BRSK2: variants seen among roughly 807,000 people sequenced by gnomAD.
The protein encoded by BRSK2 is BR serine/threonine kinase 2, also known as serine/threonine-protein kinase BRSK2.
In BRSK2, 19 loss-of-function variants were observed where a neutral mutation model predicts 83.3. The observed-to-expected ratio is 0.23, with a 90% CI of 0.16 to 0.33. The LOEUF (loss-of-function observed/expected upper bound fraction) is 0.33, where lower values mean the gene tolerates loss of function less well. BRSK2 is among the 10% of genes least tolerant of loss of function. BRSK2 has a pLI of 1.00. For missense variants in BRSK2, 798 were observed against 1,042.3 expected (o/e 0.77, Z 3.23); for synonymous variants, 519 against 435.4 (o/e 1.19, Z -2.39).
chr11:1,446,033 C>G, intron 12 of BRSK2, 126 bp downstream of exon 12: 3 of 1,147,552 alleles, frequency 2.6e-6, no homozygotes, highest in Non-Finnish European at 3.4e-6. Context: ...GCTGTATGGG[C>G]TAAACTGGGC....
intron 13 of BRSK2, among the ~76,000 whole-genome samples, 197 bp downstream of exon 13, chr11:1,450,033 G>GTT (rs890264211): frequency 6.6e-6 from 1 of 151,958 alleles, no homozygotes; most frequent in Non-Finnish European, 1.5e-5. Context: ...GTTTTGTTTT[G>GTT]TTTGTTTTCT....
rs756148684 is a variant in BRSK2, at chr11:1,440,842, G to A, written c.327G>A (p.Lys109=). The A allele has an allele frequency of 2.1e-5, 33 of 1,602,984 alleles. No homozygotes were observed. In the Middle Eastern group the frequency reaches 8.3e-4, roughly 40 times the overall value. The change falls in exon 4 of 20, where the codon AAG becomes AAA. Residue 109 remains lysine, a synonymous_variant. Coordinates refer to ENST00000528841, the MANE Select transcript of BRSK2 (RefSeq NM_001256627.2). ...GTGAGCTCTTCGACTACCTGGTGAA[G>A]AAGGGGAGGCTGACGCCTAAGGAGG... is the stretch of plus-strand genomic sequence containing the variant. The part of the protein sequence containing the change: ...SGGELFDYLV[K]KGRLTPKEAR...
At chr11:1,414,126 A>G (rs1365260626) in intron 1 of BRSK2, among the ~76,000 whole-genome samples, 2 of 152,286 alleles carry the variant, frequency 1.3e-5, no homozygotes, top group Admixed American at 6.5e-5. Context: ...TATTCAAATT[A>G]AAGATACTCA....
intron 1 of BRSK2, chr11:1,411,310 G>T (rs1023367915): frequency 4.7e-5 from 63 of 1,343,010 alleles, no homozygotes; most frequent in Non-Finnish European, 5.9e-5. Context: ...CTGCCCGGGT[G>T]GGGTCCTGAA....
rs1007257057 is a variant in BRSK2, at chr11:1,453,064, C to T, written c.1545-1421C>T. 3.3e-5 allele frequency among the ~76,000 whole-genome samples: 5 copies of T among 152,348 alleles called. No individual in the cohort carries two copies. The East Asian group carries it at 5.8e-4, about 18-fold the overall frequency. On this transcript the variant is annotated intron_variant, in intron 15 of 19. Coordinates refer to ENST00000528841, the MANE Select transcript of BRSK2 (RefSeq NM_001256627.2). Reference sequence around the variant, plus strand: ...GTTTCCAGGTTGCAGCCTCGAGGGGCGTTCTTTCCCCAGGAAGACCGAACC... The same window carrying T: ...GTTTCCAGGTTGCAGCCTCGAGGGGTGTTCTTTCCCCAGGAAGACCGAACC...
intron 8 of BRSK2, among the ~76,000 whole-genome samples, chr11:1,444,477 C>T (rs1268938316): frequency 2.6e-5 from 4 of 152,142 alleles, no homozygotes; most frequent in African/African-American, 9.7e-5. Flanking sequence ...TCCCAGCCTC[C>T]TGCCTGCACC....
At chr11:1,460,385 G>C in intron 19 of BRSK2, 115 bp from the exon 20 acceptor site, 6 of 944,956 alleles carry the variant, frequency 6.3e-6, no homozygotes, top group Non-Finnish European at 8.6e-6. Context: ...AGGCCTCTTC[G>C]TTCATTTGTT....
Position 1,461,752 on chromosome 11 carries a change from T to C in BRSK2, c.*1029T>C, listed in dbSNP as rs373179873. On this transcript the variant is annotated 3_prime_UTR_variant, in exon 20 of 20. Transcript: ENST00000528841. ...GATATTTTTATAAACTTTTTTTTCT[T>C]GGTGGTTTTTGGAAAAGGGTGTGGG... 6.9e-6 allele frequency: 1 copy of C among 144,462 alleles called. No individual in the cohort carries two copies. Among genetic ancestry groups the C allele is most frequent in the East Asian group, 2.1e-4 (1 of 4,868 alleles). 8.9% of individuals were successfully genotyped at this position (144,462 alleles called of 1,614,324 possible). A position where few individuals can be genotyped will look rare whatever the true frequency, so the allele number is the denominator to read the frequency against.
rs1218723148 is a variant in BRSK2 at position 1,407,818 on chromosome 11, GGCTTT to G, written c.91+17444_91+17448del. On this transcript the variant is annotated intron_variant, in intron 1 of 19. Transcript: ENST00000528841. ...TCCAGGCAGGTGCCACCTCCAGGAG[GGCTTT>G]CCCAGAGTGTGGGGCGGGCCCGGCA... 2.0e-5 allele frequency among the ~76,000 whole-genome samples: 3 copies of G among 152,370 alleles called. No homozygotes were observed. In the East Asian group the frequency reaches 5.8e-4, roughly 29 times the overall value.
intron 9 of BRSK2, 64 bp downstream of exon 9, chr11:1,445,066 T>C: frequency 3.2e-6 from 5 of 1,582,516 alleles, no homozygotes; most frequent in Non-Finnish European, 3.5e-6. Context: ...GAGGCCCTGC[T>C]AGGAAAGGCG....
At position 1,443,602 on chromosome 11, in the gene BRSK2, C is replaced by G. The variant is rs1851639763; in HGVS notation, c.747C>G (p.Gly249=). Residue 249 remains glycine (G), a synonymous_variant, in exon 8 of 20, where the codon GGC becomes GGG. Coordinates refer to ENST00000528841, the MANE Select transcript of BRSK2 (RefSeq NM_001256627.2). ...IPPDCQSLLR[G]MIEVDAARRL... is the part of the protein sequence containing the mutation. ...CCGACTGCCAGAGTCTGCTACGGGGCATGATCGAGGTGGACGCCGCACGCC... is the reference window on the plus strand; with the variant it reads ...CCGACTGCCAGAGTCTGCTACGGGGGATGATCGAGGTGGACGCCGCACGCC... 1 of 1,607,842 alleles carries G rather than the reference C, an allele frequency of 6.2e-7. No individual in the cohort carries two copies. Among genetic ancestry groups the G allele is most frequent in the East Asian group, 2.2e-5 (1 of 44,684 alleles).
At chr11:1,449,373 CA>C (rs1269726685) in intron 12 of BRSK2, among the ~76,000 whole-genome samples, 4 of 152,362 alleles carry the variant, frequency 2.6e-5, no homozygotes, top group South Asian at 2.1e-4. Context: ...AGAGCTCAGC[CA>C]GGGGGGGCTT....
intron 12 of BRSK2, among the ~76,000 whole-genome samples, chr11:1,448,606 C>T (rs893585254): frequency 5.9e-5 from 9 of 152,156 alleles, no homozygotes; most frequent in African/African-American, 1.9e-4. Flanking sequence ...TGGGCGGGCT[C>T]GACAGGAACC....
chr11:1,448,308 C>A (rs1373430754), intron 12 of BRSK2, among the ~76,000 whole-genome samples: 1 of 152,182 alleles, frequency 6.6e-6, no homozygotes, highest in Non-Finnish European at 1.5e-5. Flanking sequence ...GCCAGTTTTG[C>A]GAGCCTGGGC....
Position 1,443,420 on chromosome 11 carries a change from C to G in BRSK2, c.633+17C>G, listed in dbSNP as rs1386922675. On this transcript the variant is annotated intron_variant, in intron 7 of 19. Transcript: ENST00000528841. The stretch of plus-strand genomic sequence containing the variant: ...TTGCTGGTGGTGAGACCCTGGCCCC[C>G]TCAACCCTGCCCTGGCCTCTCCCCA... 1.3e-6 allele frequency: 2 copies of G among 1,593,526 alleles called. No homozygotes were observed. Among genetic ancestry groups the G allele is most frequent in the Middle Eastern group, 1.7e-4 (1 of 5,908 alleles).
At position 1,423,109 on chromosome 11, in the gene BRSK2, C is replaced by T. The variant is rs1342515112; in HGVS notation, c.92-12931C>T. ...CAGGTACCTCCAGGCCCCATGCACC[C>T]AGGACCTCCCCAAGAGCTGTGCCTC... On this transcript the variant is annotated intron_variant, in intron 1 of 19. Transcript: ENST00000528841. The surrounding 1 kb of genome is among the most constrained non-coding windows in gnomAD (Gnocchi z 6.5). Among the ~76,000 whole-genome samples, 4 of 152,206 alleles carry T rather than the reference C, an allele frequency of 2.6e-5. No homozygotes were observed. Among genetic ancestry groups the T allele is most frequent in the African/African-American group, 9.6e-5 (4 of 41,452 alleles).
At chr11:1,402,066 C>T (rs1179907576) in intron 1 of BRSK2, among the ~76,000 whole-genome samples, 1 of 152,234 alleles carries the variant, frequency 6.6e-6, no homozygotes, top group Admixed American at 6.5e-5. Context: ...CAGGGCCTCT[C>T]TGTCTTTAAC....
At chr11:1,452,378 G>T (rs1056314521) in intron 15 of BRSK2, among the ~76,000 whole-genome samples, 1 of 152,224 alleles carries the variant, frequency 6.6e-6, no homozygotes, top group African/African-American at 2.4e-5. Flanking sequence ...ACAGGGCTCA[G>T]CAGACTTGGG....
At position 1,435,206 on chromosome 11, in the gene BRSK2, A is replaced by AGAGGAGGGGTGCCGGTGGATGTCTCAGCG. The variant is rs1564837336; in HGVS notation, c.92-816_92-815insATGTCTCAGCGGAGGAGGGGTGCCGGTGG. 9.2e-4 allele frequency among the ~76,000 whole-genome samples: 117 copies of AGAGGAGGGGTGCCGGTGGATGTCTCAGCG among 127,284 alleles called. 5 individuals carry two copies. Among genetic ancestry groups the AGAGGAGGGGTGCCGGTGGATGTCTCAGCG allele is most frequent in the African/African-American group, 3.1e-3 (104 of 33,896 alleles). 83.5% of individuals were successfully genotyped at this position (127,284 alleles called of 152,430 possible). ...GGGCTCAGGTGCAGAGCATCTCAGC[A>AGAGGAGGGGTGCCGGTGGATGTCTCAGCG]GAGGAGGGGTGCCGGTGGGGGTCTC... On this transcript the variant is annotated intron_variant, in intron 1 of 19. Transcript: ENST00000528841.
Sources: gnomAD v4.1 joint callset for allele counts (sites outside exome capture counted in the v4.1 genomes callset) on GRCh38, gnomAD v4.1.1 for gene constraint, Gnocchi (gnomAD v3.1) non-coding constraint, MANE v1.5 for transcripts, NCBI Gene and HGNC (gene_info 2026-07-23, HGNC 2026-07-21) for gene names.